STAC2: variants seen among roughly 807,000 people sequenced by gnomAD.
The protein encoded by STAC2 is SH3 and cysteine-rich domain-containing protein 2.
A neutral mutation model predicts 49.0 loss-of-function variants in STAC2; 36 were observed. The ratio of observed to expected loss-of-function variants is 0.74; its 90% CI spans 0.56 to 0.97. The LOEUF (loss-of-function observed/expected upper bound fraction) is 0.97. STAC2 is among the 50% of genes least tolerant of loss of function. STAC2 has a pLI of 0.00. For missense variants in STAC2, 527 were observed against 543.8 expected (o/e 0.97, Z 0.31); for synonymous variants, 239 against 214.7 (o/e 1.11, Z -0.99).
intron 1 of STAC2, among the ~76,000 whole-genome samples, chr17:39,220,825 T>C (rs1236905890): frequency 8.2e-5 from 11 of 134,948 alleles, no homozygotes; most frequent in South Asian, 2.4e-4. Flanking sequence ...GAGACGGAGT[T>C]TCACTCTGTC....
At chr17:39,221,073 G>A (rs1371633422) in intron 1 of STAC2, among the ~76,000 whole-genome samples, 1 of 151,704 alleles carries the variant, frequency 6.6e-6, no homozygotes, top group Non-Finnish European at 1.5e-5. Flanking sequence ...TAGGATTACA[G>A]GCGTGAGCCA....
Position 39,215,165 on chromosome 17 carries a change from T to C in STAC2, c.652A>G (p.Asn218Asp), listed in dbSNP as rs1279698864. 3.1e-6 allele frequency: 5 copies of C among 1,613,962 alleles called. No individual in the cohort carries two copies. The Admixed American group carries it at 8.3e-5, about 27-fold the overall frequency. ...LRYGTSLALM[N>D]RSSFSSTSES... ...GAGGTGCTGCTGAAACTGGAGCGGT[T>C]CATCAGTGCCAGGGAGGTGCCATAG... The change falls in exon 5 of 11, where the codon AAC becomes GAC. Residue 218 changes from asparagine to aspartate, a missense_variant. Transcript: ENST00000333461.
chr17:39,214,243 G>T lies in STAC2; in HGVS notation c.931C>A (p.Leu311Met). The T allele has an allele frequency of 6.2e-7, 1 of 1,613,938 alleles. No individual in the cohort carries two copies. Among genetic ancestry groups the T allele is most frequent in the Non-Finnish European group, 8.5e-7 (1 of 1,179,890 alleles). Residue 311 changes from leucine (L) to methionine (M), a missense_variant, in exon 8 of 11, where the codon CTG becomes ATG. Transcript: ENST00000333461. Reference sequence around the variant, plus strand: ...ACAAAGAGGACTTACTGCAGAGCCAGATCATTGTTCTCCTGGGGCAGAAAC... The same window carrying T: ...ACAAAGAGGACTTACTGCAGAGCCATATCATTGTTCTCCTGGGGCAGAAAC... ...YKFLPQENND[L>M]ALQPGDRIML...
intron 8 of STAC2, among the ~76,000 whole-genome samples, chr17:39,213,843 AT>A (rs2046376921): frequency 6.6e-6 from 1 of 151,798 alleles, no homozygotes; most frequent in Non-Finnish European, 1.5e-5. Flanking sequence ...TGCCTGGCTA[AT>A]TTTTGTATTT....
At chr17:39,212,774 C>T (rs2046365643) in intron 10 of STAC2, among the ~76,000 whole-genome samples, 1 of 152,230 alleles carries the variant, frequency 6.6e-6, no homozygotes, top group African/African-American at 2.4e-5. Flanking sequence ...CCCAAGCTCC[C>T]TCTAATGTCA....
chr17:39,220,583 T>C (rs995147034), intron 1 of STAC2, among the ~76,000 whole-genome samples: 5 of 151,862 alleles, frequency 3.3e-5, no homozygotes, highest in Non-Finnish European at 4.4e-5. Context: ...CAAGTGATTC[T>C]CCTGCCTCAG....
intron 7 of STAC2, among the ~76,000 whole-genome samples, 160 bp downstream of exon 7, chr17:39,214,631 C>G (rs1410880472): frequency 6.6e-6 from 1 of 152,110 alleles, no homozygotes; most frequent in Admixed American, 6.5e-5. Context: ...CCTCCTGCCT[C>G]CCATGCCCTC....
chr17:39,219,444 G>C (rs2046440703), intron 1 of STAC2, among the ~76,000 whole-genome samples: 1 of 152,044 alleles, frequency 6.6e-6, no homozygotes, highest in Non-Finnish European at 1.5e-5. Flanking sequence ...TCCCTCCTCT[G>C]GTGTCCACTG....
chr17:39,215,027 G>C lies in STAC2; in HGVS notation c.700-4C>G, dbSNP rs776575366. The C allele has an allele frequency of 1.9e-6, 3 of 1,614,090 alleles. No homozygotes were observed. The Admixed American group carries it at 5.0e-5, about 27-fold the overall frequency. ...CGGTCAGCTCATCCCGCTCACTCTAGGGACAGAGAGAGGAGAGGGCTCAGC... is the reference window on the plus strand; with the variant it reads ...CGGTCAGCTCATCCCGCTCACTCTACGGACAGAGAGAGGAGAGGGCTCAGC... On this transcript the variant is annotated splice_region_variant and splice_polypyrimidine_tract_variant and intron_variant, in intron 5 of 10. Coordinates refer to ENST00000333461, the MANE Select transcript of STAC2 (RefSeq NM_198993.5).
chr17:39,211,209 G>A lies in STAC2; in HGVS notation c.*1083C>T, dbSNP rs949352546. ...CCTGACAGTGAAATGGGTTTGCTTTGACCAAGCACGGGCCAGGATTTTGTT... is the reference window on the plus strand; with the variant it reads ...CCTGACAGTGAAATGGGTTTGCTTTAACCAAGCACGGGCCAGGATTTTGTT... On this transcript the variant is annotated 3_prime_UTR_variant, in exon 11 of 11. Transcript: ENST00000333461. 7 of 152,344 alleles carry A rather than the reference G, an allele frequency of 4.6e-5. No homozygotes were observed. Among genetic ancestry groups the A allele is most frequent in the African/African-American group, 1.7e-4 (7 of 41,408 alleles). 9.4% of individuals were successfully genotyped at this position (152,344 alleles called of 1,614,324 possible).
rs1055867943 is a variant in STAC2 at position 39,217,762 on chromosome 17, G to A, written c.397+105C>T. 3 of 1,160,916 alleles carry A rather than the reference G, an allele frequency of 2.6e-6. No individual in the cohort carries two copies. In the African/African-American group the frequency reaches 4.7e-5, roughly 18 times the overall value. 71.9% of individuals were successfully genotyped at this position (1,160,916 alleles called of 1,614,324 possible). ...GCACAGAGGCACAATTAGTATTGGG[G>A]CTCCTGAACAGCAAGAGCCCAATAA... On this transcript the variant is annotated intron_variant, in intron 2 of 10. Transcript: ENST00000333461.
chr17:39,218,674 A>C (rs2046432793), intron 1 of STAC2, among the ~76,000 whole-genome samples: 1 of 152,022 alleles, frequency 6.6e-6, no homozygotes, highest in African/African-American at 2.4e-5. Context: ...TTCCATACCC[A>C]TACATAAATA....
In STAC2 at chr17:39,212,368, T is replaced by A. The variant is rs1228507167; in HGVS notation, c.1160A>T (p.Asp387Val). 1 of 1,611,544 alleles carries A rather than the reference T, an allele frequency of 6.2e-7. No individual in the cohort carries two copies. The highest frequency in any genetic ancestry group is 1.7e-5 in the Admixed American group (1 of 59,812). ...GCTGACGCGGATGAAGCCGTCAGCA[T>A]CCTTGCTTCTGCCCACGCCCACGCA... ...QICVGVGRSK[D>V]ADGFIRVSSG... is the part of the protein sequence containing the mutation. Residue 387 changes from aspartate (D) to valine (V), a missense_variant, in exon 11 of 11, where the codon GAT becomes GTT. Asp to Val is a radical substitution (Grantham distance 152). Transcript: ENST00000333461.
rs760003618 is a variant in STAC2 at position 39,214,348 on chromosome 17, G to T, written c.844-18C>A. The T allele has an allele frequency of 6.2e-7, 1 of 1,613,598 alleles. No individual in the cohort carries two copies. Among genetic ancestry groups the T allele is most frequent in the South Asian group, 1.1e-5 (1 of 91,058 alleles). ...TTGGGGAGCTGCGGGAGAATCTCTG[G>T]GTCGGTGACCGGAAAGCAGCACCCT... On this transcript the variant is annotated intron_variant, in intron 7 of 10. Coordinates refer to ENST00000333461, the MANE Select transcript of STAC2 (RefSeq NM_198993.5).
rs368505538 is a variant in STAC2 at position 39,218,057 on chromosome 17, C to A, written c.207G>T (p.Thr69=). 5.8e-5 allele frequency: 93 copies of A among 1,609,586 alleles called. No individual in the cohort carries two copies. The highest frequency in any genetic ancestry group is 7.4e-5 in the Non-Finnish European group (87 of 1,179,210). ...AGGGAGGGGGCAGTGGGGTTGGGGG[C>A]GTCAGCAGCACCTCGGTGGGGCACT... ...ELKCPTEVLL[T]PPTPLPPPSP... The change falls in exon 2 of 11, where the codon ACG becomes ACT. Residue 69 remains threonine (T), a synonymous_variant. Transcript: ENST00000333461.
rs5820281 is a variant in STAC2, at chr17:39,211,289, C to CT, written c.*1002dup. 64,966 of 139,096 alleles carry CT rather than the reference C, an allele frequency of 0.47. 14,570 individuals are homozygous for CT. The highest frequency in any genetic ancestry group is 0.61 in the Middle Eastern group (166 of 274). 8.6% of individuals were successfully genotyped at this position (139,096 alleles called of 1,614,324 possible). ...CTCTTGGGTTTCCTTTTCTTTCTTT[C>CT]TTTTTTTTTTTTTGAGACGGAGTCT... On this transcript the variant is annotated 3_prime_UTR_variant, in exon 11 of 11. Transcript: ENST00000333461.
In STAC2 at chr17:39,212,210, A is replaced by T. The variant is rs533964524; in HGVS notation, c.*82T>A. 5.9e-6 allele frequency: 6 copies of T among 1,012,942 alleles called. No homozygotes were observed. The South Asian group carries it at 8.6e-5, about 15-fold the overall frequency. The allele number at this position is 1,012,942 out of a possible 1,614,324, so 62.7% of individuals were successfully genotyped here. On this transcript the variant is annotated 3_prime_UTR_variant, in exon 11 of 11. Transcript: ENST00000333461. ...CAGAGGGAGGAAGGGTATGGAGTGG[A>T]CAAGGGGGCCTGATCCCCTCCCTGG...
At chr17:39,213,196 TCTCCAGACC>T in intron 9 of STAC2, 64 bp from the exon 10 acceptor site, 1 of 1,588,170 alleles carries the variant, frequency 6.3e-7, no homozygotes, top group Non-Finnish European at 8.5e-7. Flanking sequence ...ACCACTGCTT[TCTCCAGACC>T]CGGTTCCCAC....
At chr17:39,216,974 G>A (rs2046409811) in intron 3 of STAC2, 74 bp from the exon 4 acceptor site, 6 of 1,585,428 alleles carry the variant, frequency 3.8e-6, no homozygotes, top group Non-Finnish European at 5.2e-6. Context: ...CCAAGCCCAG[G>A]GCCCACCCCA....
Sources: gnomAD v4.1 joint callset for allele counts (sites outside exome capture counted in the v4.1 genomes callset) on GRCh38, gnomAD v4.1.1 for gene constraint, MANE v1.5 for transcripts, NCBI Gene and HGNC (gene_info 2026-07-23, HGNC 2026-07-21) for gene names.